The following CFTR variants were observed in gnomAD, a reference collection of about 807,000 sequenced individuals.
CFTR encodes CF transmembrane conductance regulator.
Under a neutral mutation model 171.6 loss-of-function variants are expected in CFTR, and 181 were observed. The observed-to-expected ratio is 1.05, with a 90% CI of 0.93 to 1.19. CFTR has a LOEUF of 1.19. CFTR is among the 50% of genes most tolerant of loss of function. The pLI is 0.00. For synonymous variants in CFTR, 583 were observed against 608.0 expected, an observed-to-expected ratio of 0.96 and a Z score of 0.60; for missense variants, 1,968 against 1,734.7, an observed-to-expected ratio of 1.13 and a Z score of -2.39.
At chr7:117,660,030 AT>A (rs4148723) in intron 24 of CFTR, among the ~76,000 whole-genome samples, 35,160 of 146,946 alleles carry the variant, frequency 0.24, 4,217 homozygotes, top group African/African-American at 0.25. Flanking sequence ...ACTCTTAGAC[AT>A]TTTTTTTTTT....
intron 7 of CFTR, among the ~76,000 whole-genome samples, chr7:117,539,098 C>G (rs982611565): frequency 2.6e-5 from 4 of 152,148 alleles, no homozygotes; most frequent in Admixed American, 2.6e-4. Flanking sequence ...AGCCCTCTCT[C>G]TGTATCCTGG....
chr7:117,629,745 A>G (rs1792712706), intron 22 of CFTR, among the ~76,000 whole-genome samples: 1 of 152,194 alleles, frequency 6.6e-6, no homozygotes, highest in Non-Finnish European at 1.5e-5. Context: ...GCTTAATCTA[A>G]AACAATGACT....
chr7:117,603,683 C>G lies in CFTR; in HGVS notation c.2809C>G (p.Leu937Val). ...TATGGGATTCTTCAGAGGTCTACCA[C>G]TGGTGCATACTCTAATCACAGTGTC... ...LAMGFFRGLPLVHTLITVSKI... is the reference protein window; with the variant it reads ...LAMGFFRGLPVVHTLITVSKI... The change falls in exon 17 of 27, where the codon CTG (leucine) becomes GTG (valine). Residue 937 changes from leucine to valine, a missense_variant. Leu to Val is a conservative substitution (Grantham distance 32). Coordinates refer to ENST00000003084, the MANE Select transcript of CFTR (RefSeq NM_000492.4). The G allele has an allele frequency of 6.2e-7, 1 of 1,614,114 alleles. No individual in the cohort carries two copies. Among genetic ancestry groups the G allele is most frequent in the South Asian group, 1.1e-5 (1 of 91,088 alleles).
chr7:117,506,374 G>A (rs1798417268), intron 2 of CFTR, among the ~76,000 whole-genome samples: 1 of 152,112 alleles, frequency 6.6e-6, no homozygotes, highest in Admixed American at 6.5e-5. Context: ...AGCCTCTCGA[G>A]TAGCTGGGTT....
chr7:117,534,494 C>G (rs1253233910), intron 5 of CFTR, 129 bp downstream of exon 5: 1 of 673,962 alleles, frequency 1.5e-6, no homozygotes. Flanking sequence ...CTTCCCTATT[C>G]TGGAAACTAA....
intron 11 of CFTR, among the ~76,000 whole-genome samples, chr7:117,584,325 A>G (rs1791896682): frequency 6.6e-6 from 1 of 151,996 alleles, no homozygotes; most frequent in Non-Finnish European, 1.5e-5. Flanking sequence ...TAAGTCTTTG[A>G]TTCATCTTGA....
intron 7 of CFTR, 68 bp downstream of exon 7, chr7:117,536,741 C>T (rs1798965941): frequency 1.5e-6 from 2 of 1,301,130 alleles, no homozygotes; most frequent in Non-Finnish European, 1.1e-6. Flanking sequence ...ATATGTTTAT[C>T]ATGGTAGACT....
Position 117,665,479 on chromosome 7 carries a change from G to T in CFTR, c.4157G>T (p.Arg1386Ile). The T allele has an allele frequency of 1.2e-6, 2 of 1,608,408 alleles. No homozygotes were observed. Among genetic ancestry groups the T allele is most frequent in the Non-Finnish European group, 1.7e-6 (2 of 1,175,050 alleles). ...TCTAGAACATACCAAATAATTAGAAGAACTCTAAAACAAGCATTTGCTGAT... is the reference window on the plus strand; with the variant it reads ...TCTAGAACATACCAAATAATTAGAATAACTCTAAAACAAGCATTTGCTGAT... ...LDPVTYQIIR[R>I]TLKQAFADCT... Residue 1386 changes from arginine to isoleucine, a missense_variant, in exon 26 of 27, where the codon AGA becomes ATA. By Grantham distance (97) the Arg-to-Ile change is moderately conservative. Transcript: ENST00000003084.
In CFTR at chr7:117,502,878, T is replaced by A. The variant is rs1798354400; in HGVS notation, c.54-1375T>A. ...AAACCATACTCACTTATTAATATCT[T>A]AGTAAGGAATAATTGATGAAGTTAC... is the stretch of plus-strand genomic sequence containing the variant. On this transcript the variant is annotated intron_variant, in intron 1 of 26. Coordinates refer to ENST00000003084, the MANE Select transcript of CFTR (RefSeq NM_000492.4). Among the ~76,000 whole-genome samples the A allele has an allele frequency of 6.6e-6, 1 of 152,196 alleles. No individual in the cohort carries two copies. Among genetic ancestry groups the A allele is most frequent in the Non-Finnish European group, 1.5e-5 (1 of 68,034 alleles).
At chr7:117,637,214 C>T (rs1400824391) in intron 22 of CFTR, among the ~76,000 whole-genome samples, 2 of 130,816 alleles carry the variant, frequency 1.5e-5, no homozygotes, top group East Asian at 4.1e-4. Context: ...TCTGTGTTTT[C>T]AAATGGTGTT....
intron 23 of CFTR, among the ~76,000 whole-genome samples, chr7:117,643,078 T>C (rs1792946029): frequency 6.6e-6 from 1 of 152,186 alleles, no homozygotes; most frequent in Admixed American, 6.6e-5. Context: ...TTTTTTTTAA[T>C]GTCACTCTGA....
At position 117,606,856 on chromosome 7, in the gene CFTR, AG is replaced by A. The variant is rs1320459454; in HGVS notation, c.2988+104del. The A allele has an allele frequency of 3.8e-6, 3 of 781,764 alleles. No individual in the cohort carries two copies. The East Asian group carries it at 7.3e-5, about 19-fold the overall frequency. 48.4% of individuals were successfully genotyped at this position (781,764 alleles called of 1,614,324 possible). A position where few individuals can be genotyped will look rare whatever the true frequency, so the allele number is the denominator to read the frequency against. ...CATTTTTTATTTGATTGAGGGTTGA[AG>A]TCCTGTCTATTGCATTAATTTTGTA... On this transcript the variant is annotated intron_variant, in intron 18 of 26. Coordinates refer to ENST00000003084, the MANE Select transcript of CFTR (RefSeq NM_000492.4).
In CFTR at chr7:117,627,758, T is replaced by G. The variant is rs34911792; in HGVS notation, c.3705T>G (p.Ser1235Arg). 12,610 of 1,611,572 alleles carry G rather than the reference T, an allele frequency of 7.8e-3. 76 individuals carry two copies. The highest frequency in any genetic ancestry group is 9.5e-3 in the Non-Finnish European group (11,147 of 1,179,304). The change falls in exon 22 of 27, where the codon AGT becomes AGG. Residue 1235 changes from serine (S) to arginine (R), a missense_variant. By Grantham distance (110) the Ser-to-Arg change is moderately radical. Transcript: ENST00000003084. Reference sequence around the variant, plus strand: ...TAGAGAACATTTCCTTCTCAATAAGTCCTGGCCAGAGGGTGAGATTTGAAC... The same window carrying G: ...TAGAGAACATTTCCTTCTCAATAAGGCCTGGCCAGAGGGTGAGATTTGAAC... ...AILENISFSI[S>R]PGQRVGLLGR...
At chr7:117,544,243 G>A (rs35376221) in intron 9 of CFTR, among the ~76,000 whole-genome samples, 2,200 of 152,154 alleles carry the variant, frequency 0.014, 55 homozygotes, top group African/African-American at 0.05. Flanking sequence ...GGTAACAGTA[G>A]TGCTATCTGT....
At chr7:117,533,176 T>C (rs213943) in intron 4 of CFTR, among the ~76,000 whole-genome samples, 84,775 of 151,982 alleles carry the variant, frequency 0.56, 26,587 homozygotes, top group African/African-American at 0.86. Context: ...TCACTCGAGA[T>C]TAAGCCTGTT....
chr7:117,592,150 CCTAA>C lies in CFTR; in HGVS notation c.1986_1989del (p.Thr663ArgfsTer8), dbSNP rs397508325. ...TTAGTGCAGAAAGAAGAAATTCAATCCTAACTGAGACCTTACACCGTTTCTCATT... is the reference window on the plus strand; with the variant it reads ...TTAGTGCAGAAAGAAGAAATTCAATCCTGAGACCTTACACCGTTTCTCATT... On this transcript the variant is annotated frameshift_variant, in exon 14 of 27. Coordinates refer to ENST00000003084, the MANE Select transcript of CFTR (RefSeq NM_000492.4). LOFTEE classifies it high-confidence loss of function. 5.6e-6 allele frequency: 9 copies of C among 1,613,958 alleles called. No individual in the cohort carries two copies. Among genetic ancestry groups the C allele is most frequent in the Non-Finnish European group, 6.8e-6 (8 of 1,180,020 alleles).
At chr7:117,545,349 A>G (rs1799122753) in intron 9 of CFTR, among the ~76,000 whole-genome samples, 1 of 152,068 alleles carries the variant, frequency 6.6e-6, no homozygotes, top group Admixed American at 6.5e-5. Context: ...ACATAGCCAA[A>G]CCATATCAGC....
At chr7:117,623,933 C>G (rs1167043595) in intron 21 of CFTR, among the ~76,000 whole-genome samples, 1 of 152,026 alleles carries the variant, frequency 6.6e-6, no homozygotes, top group African/African-American at 2.4e-5. Context: ...GGTCCTCTCA[C>G]GTGCAGGAAC....
chr7:117,533,703 T>G (rs746515850), intron 4 of CFTR, among the ~76,000 whole-genome samples: 2 of 152,182 alleles, frequency 1.3e-5, no homozygotes, highest in Non-Finnish European at 2.9e-5. Flanking sequence ...TAAATTTAAT[T>G]GGTAGATAAA....
Sources: allele counts gnomAD v4.1 joint callset (sites outside exome capture counted in the v4.1 genomes callset), GRCh38; gene constraint gnomAD v4.1.1; transcripts MANE v1.5; gene names NCBI Gene and HGNC (gene_info 2026-07-23, HGNC 2026-07-21).